Variants in HTR4 observed in about 807,000 individuals in gnomAD.
The protein encoded by HTR4 is 5-hydroxytryptamine (serotonin) receptor 4, G protein-coupled.
In HTR4, 16 loss-of-function variants were observed where a neutral mutation model predicts 36.8. That is an observed-to-expected ratio of 0.43 (90% CI 0.29 to 0.66). The LOEUF is 0.66. Among genes scored for constraint, HTR4 ranks in the 30% least tolerant of loss-of-function variants. The probability of loss-of-function intolerance (pLI) is 0.13; values close to 1 mark genes in which losing one functional copy is unlikely to be tolerated. For missense variants in HTR4, 438 were observed against 490.9 expected (o/e 0.89, Z 1.02); for synonymous variants, 189 against 185.1 (o/e 1.02, Z -0.17).
chr5:148,640,958 GATAGCATGC>G (rs1753712926), intron 1 of HTR4, among the ~76,000 whole-genome samples: 1 of 152,178 alleles, frequency 6.6e-6, no homozygotes, highest in Admixed American at 6.5e-5. Context: ...AAACCAGTGA[GATAGCATGC>G]ATTTTATCAG....
At chr5:148,573,235 C>A (rs187468225) in intron 2 of HTR4, among the ~76,000 whole-genome samples, 1 of 152,090 alleles carries the variant, frequency 6.6e-6, no homozygotes, top group Admixed American at 6.6e-5. Context: ...AGCTGAAATG[C>A]TGTATTGAGA....
At chr5:148,454,862 T>C (rs576253072) in intron 5 of HTR4, among the ~76,000 whole-genome samples, 1 of 152,258 alleles carries the variant, frequency 6.6e-6, no homozygotes, top group African/African-American at 2.4e-5. Flanking sequence ...CCCTTCCCCA[T>C]TGCTCTTGCC....
rs558553539 is a variant in HTR4, at chr5:148,552,581, T to C, written c.27-2319A>G. ...TGAGGTGCCTTCTTCCTGGAATGAT[T>C]CTTCAGTGACAGACTTCTTGTCATT... On this transcript the variant is annotated intron_variant, in intron 2 of 6. Coordinates refer to ENST00000377888, the MANE Select transcript of HTR4 (RefSeq NM_000870.7). Among the ~76,000 whole-genome samples, 41 of 152,316 alleles carry C rather than the reference T, an allele frequency of 2.7e-4. No individual in the cohort carries two copies. In the South Asian group the frequency reaches 7.9e-3, roughly 29 times the overall value.
intron 1 of HTR4, among the ~76,000 whole-genome samples, chr5:148,639,230 A>T (rs1416377651): frequency 1.3e-5 from 2 of 151,984 alleles, no homozygotes; most frequent in Non-Finnish European, 2.9e-5. Flanking sequence ...AAGTCAGGTC[A>T]TTTCTTGCTT....
chr5:148,461,047 A>G (rs1303743471), intron 5 of HTR4, among the ~76,000 whole-genome samples: 1 of 152,196 alleles, frequency 6.6e-6, no homozygotes, highest in East Asian at 1.9e-4. Context: ...GTATCATTTG[A>G]AAGTGGACTT....
rs1757402586 is a variant in HTR4 at position 148,509,752 on chromosome 5, G to A, written c.780C>T (p.Thr260=). ...AGAAGCAACCCATGATGATGCACAG[G>A]GTCTTGGCTGCTTTGGTCTCTGTCC... is the stretch of plus-strand genomic sequence containing the variant. ...RMRTETKAAK[T]LCIIMGCFCL... The change falls in exon 6 of 7, where the codon ACC becomes ACT. Residue 260 remains threonine, a synonymous_variant. Coordinates refer to ENST00000377888, the MANE Select transcript of HTR4 (RefSeq NM_000870.7). 1 of 1,613,930 alleles carries A rather than the reference G, an allele frequency of 6.2e-7. No homozygotes were observed. Among genetic ancestry groups the A allele is most frequent in the Non-Finnish European group, 8.5e-7 (1 of 1,180,012 alleles).
At chr5:148,483,554 C>A (rs1755994209) in intron 6 of HTR4, among the ~76,000 whole-genome samples, 1 of 152,200 alleles carries the variant, frequency 6.6e-6, no homozygotes, top group Non-Finnish European at 1.5e-5. Flanking sequence ...GCCTATCAGG[C>A]CCCCTCAACA....
At chr5:148,539,867 T>C (rs967794152) in intron 4 of HTR4, among the ~76,000 whole-genome samples, 1 of 152,178 alleles carries the variant, frequency 6.6e-6, no homozygotes, top group African/African-American at 2.4e-5. Context: ...ATCCCATTAC[T>C]CGGTATATAC....
chr5:148,494,705 T>C (rs1220773071), intron 6 of HTR4, among the ~76,000 whole-genome samples: 3 of 152,234 alleles, frequency 2.0e-5, no homozygotes, highest in Non-Finnish European at 4.4e-5. Context: ...CTGGAGATGC[T>C]TGGTCAAACA....
At chr5:148,561,667 C>G (rs893948840) in intron 2 of HTR4, among the ~76,000 whole-genome samples, 1 of 151,846 alleles carries the variant, frequency 6.6e-6, no homozygotes, top group Non-Finnish European at 1.5e-5. Context: ...AATACACTCA[C>G]CAGGCACAGA....
chr5:148,475,180 T>C (rs1163642536), downstream of HTR4, among the ~76,000 whole-genome samples: 1 of 152,222 alleles, frequency 6.6e-6, no homozygotes, highest in Non-Finnish European at 1.5e-5. Flanking sequence ...CATAATTTTA[T>C]TTAAATTATA....
chr5:148,465,566 T>C (rs1397447819), intron 5 of HTR4, among the ~76,000 whole-genome samples: 1 of 152,160 alleles, frequency 6.6e-6, no homozygotes, highest in Non-Finnish European at 1.5e-5. Flanking sequence ...TTATACTGGG[T>C]GATTTCAGCT....
intron 2 of HTR4, among the ~76,000 whole-genome samples, chr5:148,618,813 A>T (rs13166230): frequency 0.24 from 37,259 of 152,208 alleles, 5,510 homozygotes; most frequent in Non-Finnish European, 0.34. Context: ...GAATATTTAA[A>T]GTTCAAAGCT....
At chr5:148,635,088 A>C (rs573599624) in intron 2 of HTR4, among the ~76,000 whole-genome samples, 1 of 152,322 alleles carries the variant, frequency 6.6e-6, no homozygotes, top group South Asian at 2.1e-4. Context: ...TTACATTTTA[A>C]ATAAATTAAT....
downstream of HTR4, among the ~76,000 whole-genome samples, chr5:148,479,816 A>C (rs1755818674): frequency 6.6e-6 from 1 of 152,236 alleles, no homozygotes; most frequent in Non-Finnish European, 1.5e-5. Context: ...TTATATGTTG[A>C]TCACACAAGG....
chr5:148,653,533 C>A (rs1472447325), intron 1 of HTR4, among the ~76,000 whole-genome samples: 1 of 152,054 alleles, frequency 6.6e-6, no homozygotes, highest in Non-Finnish European at 1.5e-5. Context: ...CACATCGTAC[C>A]CACACACTCA....
At chr5:148,630,462 A>T (rs895207937) in intron 2 of HTR4, 1 of 152,202 alleles carries the variant, frequency 6.6e-6, no homozygotes, top group Non-Finnish European at 1.5e-5. Context: ...CAGTGGTTTC[A>T]TTCCAACTAA....
chr5:148,476,722 C>T, downstream of HTR4: 1 of 1,612,942 alleles, frequency 6.2e-7, no homozygotes, highest in Non-Finnish European at 8.5e-7. Context: ...AAGAATTGGC[C>T]ACAGTCCTCA....
chr5:148,569,360 G>A (rs992328174), intron 2 of HTR4, among the ~76,000 whole-genome samples: 8 of 152,176 alleles, frequency 5.3e-5, no homozygotes, highest in East Asian at 1.9e-4. Flanking sequence ...CTGTTTGGGG[G>A]ACGGGGAGAA....
Sources: gnomAD v4.1 joint callset for allele counts (sites outside exome capture counted in the v4.1 genomes callset) on GRCh38, gnomAD v4.1.1 for gene constraint, MANE v1.5 for transcripts, NCBI Gene and HGNC (gene_info 2026-07-23, HGNC 2026-07-21) for gene names.